The following SLC6A6 variants were observed in gnomAD, a reference collection of about 807,000 sequenced individuals.
SLC6A6 encodes the protein solute carrier family 6 member 6.
A neutral mutation model predicts 68.8 loss-of-function variants in SLC6A6; 16 were observed. That is an observed-to-expected ratio of 0.23 (90% CI 0.16 to 0.35). The LOEUF (loss-of-function observed/expected upper bound fraction) is 0.35. Ranked by LOEUF, SLC6A6 falls within the 10% of genes least tolerant of loss-of-function variation. The pLI is 1.00. For missense variants in SLC6A6, 474 were observed against 802.8 expected (o/e 0.59, Z 4.95); for synonymous variants, 312 against 315.4 (o/e 0.99, Z 0.12).
At position 14,472,168 on chromosome 3, in the gene SLC6A6, C is replaced by T. The variant is rs1054587556; in HGVS notation, c.1097-37C>T. 1 of 1,314,884 alleles carries T rather than the reference C, an allele frequency of 7.6e-7. No individual in the cohort carries two copies. The highest frequency in any genetic ancestry group is 1.1e-6 in the Non-Finnish European group (1 of 908,046). 81.5% of individuals were successfully genotyped at this position (1,314,884 alleles called of 1,614,324 possible). ...CCAGTGGCTTGGTGGCTGATGTCTC[C>T]TCCCCTGTGCCCCTCCCCGTTTTCT... is the stretch of plus-strand genomic sequence containing the variant. On this transcript the variant is annotated intron_variant, in intron 9 of 14. Coordinates refer to ENST00000622186, the MANE Select transcript of SLC6A6 (RefSeq NM_003043.6). This position sits in a 1 kb window ranked among gnomAD's most constrained non-coding sequence, Gnocchi z 4.5.
In SLC6A6 at chr3:14,468,341, C is replaced by A. The variant is rs530325393; in HGVS notation, c.1096+129C>A. On this transcript the variant is annotated intron_variant, in intron 9 of 14. Transcript: ENST00000622186. This position sits in a 1 kb window ranked among gnomAD's most constrained non-coding sequence, Gnocchi z 4.5. ...AGCCTGGTTTCTAAAATGGACCCCC[C>A]CCCCGCCACCAAGATATCCCCCAAA... 19 of 733,462 alleles carry A rather than the reference C, an allele frequency of 2.6e-5. No individual in the cohort carries two copies. The highest frequency in any genetic ancestry group is 1.6e-4 in the South Asian group (7 of 43,318). 45.4% of individuals were successfully genotyped at this position (733,462 alleles called of 1,614,324 possible). A position where few individuals can be genotyped will look rare whatever the true frequency, so the allele number is the denominator to read the frequency against.
At chr3:14,408,333 C>A (rs1032296115) in intron 1 of SLC6A6, among the ~76,000 whole-genome samples, 10 of 135,818 alleles carry the variant, frequency 7.4e-5, no homozygotes, top group African/African-American at 3.8e-4. Flanking sequence ...TCTATCATAT[C>A]TCTTTCTTTT....
chr3:14,412,291 C>T (rs1177339739), intron 1 of SLC6A6, among the ~76,000 whole-genome samples: 1 of 152,148 alleles, frequency 6.6e-6, no homozygotes, highest in African/African-American at 2.4e-5. Flanking sequence ...TAGCAACAGG[C>T]TTTTAGTAAA....
intron 7 of SLC6A6, among the ~76,000 whole-genome samples, chr3:14,467,221 G>A (rs1222691629): frequency 6.6e-6 from 1 of 152,202 alleles, no homozygotes; most frequent in African/African-American, 2.4e-5. Flanking sequence ...TGCTTCCCAA[G>A]GGCCTGTGCT....
chr3:14,481,618 C>G lies in SLC6A6; in HGVS notation c.1552-53C>G. 7.7e-7 allele frequency: 1 copy of G among 1,297,464 alleles called. No homozygotes were observed. The highest frequency in any genetic ancestry group is 1.1e-6 in the Non-Finnish European group (1 of 911,486). The allele number at this position is 1,297,464 out of a possible 1,614,324, so 80.4% of individuals were successfully genotyped here. On this transcript the variant is annotated intron_variant, in intron 13 of 14. Transcript: ENST00000622186. This position sits in a 1 kb window ranked among gnomAD's most constrained non-coding sequence, Gnocchi z 4.7. ...AGGCCAGTCCTAGTCCCAGAAGCCC[C>G]CCACCCCCCGATGCCCAGGACCCCT... is the stretch of plus-strand genomic sequence containing the variant.
chr3:14,445,670 C>T (rs373620802), intron 3 of SLC6A6, 47 bp from the exon 4 acceptor site: 95 of 1,611,870 alleles, frequency 5.9e-5, no homozygotes, highest in South Asian at 2.5e-4. Flanking sequence ...TCTGCGTCGG[C>T]GCTGCCATGG....
chr3:14,439,512 G>A (rs970836018), intron 2 of SLC6A6, among the ~76,000 whole-genome samples: 1 of 152,232 alleles, frequency 6.6e-6, no homozygotes, highest in Non-Finnish European at 1.5e-5. Flanking sequence ...CAGAGACAAG[G>A]AGAATGTTTA....
intron 2 of SLC6A6, among the ~76,000 whole-genome samples, chr3:14,434,077 C>A (rs1482231469): frequency 1.3e-5 from 2 of 152,222 alleles, no homozygotes; most frequent in Non-Finnish European, 2.9e-5. Flanking sequence ...CCTCTTTACA[C>A]CTGCTGTTCT....
At chr3:14,409,719 T>C (rs535721193) in intron 1 of SLC6A6, among the ~76,000 whole-genome samples, 5 of 152,296 alleles carry the variant, frequency 3.3e-5, no homozygotes, top group African/African-American at 4.8e-5. Flanking sequence ...AGGCCAAGGA[T>C]CCAGTCTGGG....
At position 14,450,648 on chromosome 3, in the gene SLC6A6, A is replaced by G. The variant is rs118078713; in HGVS notation, c.599+2832A>G. Among the ~76,000 whole-genome samples the G allele has an allele frequency of 1.8e-4, 28 of 152,336 alleles. No individual in the cohort carries two copies. In the East Asian group the frequency reaches 3.7e-3, roughly 20 times the overall value. Reference sequence around the variant, plus strand: ...GAGCAGGAGCCTGGAAAGCAGGCTTAGGCAAGACCAGCACTGCCTCCTGTG... The same window carrying G: ...GAGCAGGAGCCTGGAAAGCAGGCTTGGGCAAGACCAGCACTGCCTCCTGTG... On this transcript the variant is annotated intron_variant, in intron 5 of 14. Coordinates refer to ENST00000622186, the MANE Select transcript of SLC6A6 (RefSeq NM_003043.6). This position sits in a 1 kb window ranked among gnomAD's most constrained non-coding sequence, Gnocchi z 4.1.
chr3:14,438,182 G>C (rs932098485), intron 2 of SLC6A6, among the ~76,000 whole-genome samples: 1 of 151,338 alleles, frequency 6.6e-6, no homozygotes, highest in Non-Finnish European at 1.5e-5. Flanking sequence ...AGGGTAGAAT[G>C]GTTGCCACAA....
At position 14,421,217 on chromosome 3, in the gene SLC6A6, T is replaced by C. The variant is rs565298911; in HGVS notation, c.-12+4764T>C. On this transcript the variant is annotated intron_variant, in intron 2 of 14. Coordinates refer to ENST00000622186, the MANE Select transcript of SLC6A6 (RefSeq NM_003043.6). ...CCCCCAGTCTGCCAGCCTTTCTCAT[T>C]TGGGGGAGATGAGAAAAAGCCGGTA... 2.6e-5 allele frequency among the ~76,000 whole-genome samples: 4 copies of C among 152,192 alleles called. No homozygotes were observed. In the East Asian group the frequency reaches 5.8e-4, roughly 22 times the overall value.
Position 14,430,503 on chromosome 3 carries a change from G to A in SLC6A6, c.-11-13121G>A, listed in dbSNP as rs1289537474. On this transcript the variant is annotated intron_variant, in intron 2 of 14. Coordinates refer to ENST00000622186, the MANE Select transcript of SLC6A6 (RefSeq NM_003043.6). ...TTGCCCTGGGAGATGGCCCCTGCAC[G>A]TAGGAAGACCACAGTTGAGAAGCGT... Among the ~76,000 whole-genome samples, 11 of 152,272 alleles carry A rather than the reference G, an allele frequency of 7.2e-5. No homozygotes were observed. In the East Asian group the frequency reaches 1.5e-3, roughly 21 times the overall value.
At chr3:14,430,456 G>A (rs1323663770) in intron 2 of SLC6A6, among the ~76,000 whole-genome samples, 1 of 152,134 alleles carries the variant, frequency 6.6e-6, no homozygotes, top group Non-Finnish European at 1.5e-5. Context: ...GGAAAGTTGA[G>A]GGAGATGGCT....
Position 14,485,481 on chromosome 3 carries a change from C to A in SLC6A6, c.*474C>A, listed in dbSNP as rs924125452. The A allele has an allele frequency of 2.6e-5, 4 of 153,942 alleles. No individual in the cohort carries two copies. The highest frequency in any genetic ancestry group is 9.6e-5 in the African/African-American group (4 of 41,478). The allele number at this position is 153,942 out of a possible 1,614,324, so 9.5% of individuals were successfully genotyped here. A position where few individuals can be genotyped will look rare whatever the true frequency, so the allele number is the denominator to read the frequency against. ...CCAGTAAACGCAGGATGGAATTTTC[C>A]TGGGACTCTACACCCATCTTAAGGT... On this transcript the variant is annotated 3_prime_UTR_variant, in exon 15 of 15. Transcript: ENST00000622186.
rs376610949 is a variant in SLC6A6 at position 14,477,174 on chromosome 3, G to A, written c.1210-31G>A. The A allele has an allele frequency of 2.4e-5, 39 of 1,598,620 alleles. No individual in the cohort carries two copies. Among genetic ancestry groups the A allele is most frequent in the South Asian group, 2.2e-5 (2 of 90,222 alleles). On this transcript the variant is annotated intron_variant, in intron 10 of 14. Coordinates refer to ENST00000622186, the MANE Select transcript of SLC6A6 (RefSeq NM_003043.6). The surrounding 1 kb of genome is among the most constrained non-coding windows in gnomAD (Gnocchi z 4.2). ...GGCAAGGGTGGCCTGAGCGTCAGCC[G>A]CTCACCAGCTCTCTCTCTTCCCCTC...
chr3:14,464,499 G>A (rs1402460949), intron 6 of SLC6A6, among the ~76,000 whole-genome samples: 3 of 152,234 alleles, frequency 2.0e-5, no homozygotes, highest in Admixed American at 6.5e-5. Flanking sequence ...CTCAATAAAC[G>A]CTGCCTAGGG....
chr3:14,417,545 C>T (rs1179547708), intron 2 of SLC6A6, among the ~76,000 whole-genome samples: 2 of 152,060 alleles, frequency 1.3e-5, no homozygotes, highest in South Asian at 2.1e-4. Context: ...TCCTGGCTAA[C>T]ACGGTGAAAC....
At chr3:14,478,132 C>T (rs1216421972) in intron 11 of SLC6A6, among the ~76,000 whole-genome samples, 1 of 152,086 alleles carries the variant, frequency 6.6e-6, no homozygotes, top group East Asian at 1.9e-4. Context: ...TGTAAGAACC[C>T]CCACCCCAGA....
Sources: gnomAD v4.1 joint callset for allele counts (sites outside exome capture counted in the v4.1 genomes callset) on GRCh38, gnomAD v4.1.1 for gene constraint, Gnocchi (gnomAD v3.1) non-coding constraint, MANE v1.5 for transcripts, NCBI Gene and HGNC (gene_info 2026-07-23, HGNC 2026-07-21) for gene names.